CDH20: variants seen among roughly 807,000 people sequenced by gnomAD.
The protein encoded by CDH20 is cadherin 20, also known as cadherin-20.
Under a neutral mutation model 74.2 loss-of-function variants are expected in CDH20, and 29 were observed. The ratio of observed to expected loss-of-function variants is 0.39; its 90% CI spans 0.29 to 0.53. The LOEUF (loss-of-function observed/expected upper bound fraction) is 0.53. CDH20 is among the 20% of genes least tolerant of loss of function. CDH20 has a pLI of 0.69. For missense variants in CDH20, 988 were observed against 1,048.3 expected (o/e 0.94, Z 0.79); for synonymous variants, 469 against 405.4 (o/e 1.16, Z -1.88).
chr18:61,481,411 G>A (rs1168479819), intron 1 of CDH20, among the ~76,000 whole-genome samples: 2 of 152,160 alleles, frequency 1.3e-5, no homozygotes, highest in African/African-American at 2.4e-5. Context: ...TATATTGGAT[G>A]TCACACATCG....
intron 1 of CDH20, among the ~76,000 whole-genome samples, chr18:61,341,097 T>A (rs1220329929): frequency 6.6e-6 from 1 of 152,192 alleles, no homozygotes; most frequent in Non-Finnish European, 1.5e-5. Flanking sequence ...GATACAGCCA[T>A]CTCCGTACCC....
chr18:61,337,617 T>C (rs1486299417), intron 1 of CDH20, among the ~76,000 whole-genome samples: 2 of 152,228 alleles, frequency 1.3e-5, no homozygotes, highest in Non-Finnish European at 2.9e-5. Flanking sequence ...ACATATTTTA[T>C]GTAATAAAGG....
At chr18:61,362,918 C>T (rs1022689054) in intron 1 of CDH20, among the ~76,000 whole-genome samples, 36 of 152,142 alleles carry the variant, frequency 2.4e-4, no homozygotes, top group Admixed American at 2.0e-3. Flanking sequence ...TGATGAAATG[C>T]ATTAGGAGCA....
At chr18:61,363,433 G>A (rs7245328) in intron 1 of CDH20, among the ~76,000 whole-genome samples, 20,994 of 152,128 alleles carry the variant, frequency 0.14, 1,505 homozygotes, top group Non-Finnish European at 0.16. Context: ...CTAACTTATA[G>A]TGGGGGAAAA....
chr18:61,428,560 G>A (rs992035138), intron 1 of CDH20, among the ~76,000 whole-genome samples: 2 of 152,152 alleles, frequency 1.3e-5, no homozygotes, highest in Admixed American at 1.3e-4. Context: ...CACTGTAGAA[G>A]ATCCCCATCA....
chr18:61,415,528 G>A (rs534402223), intron 1 of CDH20, among the ~76,000 whole-genome samples: 5 of 152,106 alleles, frequency 3.3e-5, no homozygotes, highest in Non-Finnish European at 5.9e-5. Context: ...TGTGCCCCTA[G>A]AAATGTATTG....
intron 1 of CDH20, among the ~76,000 whole-genome samples, chr18:61,376,855 G>A (rs1012376024): frequency 7.9e-5 from 12 of 152,102 alleles, no homozygotes; most frequent in South Asian, 2.1e-4. Context: ...GAATAGGTGC[G>A]TATGCAGGCA....
chr18:61,416,279 T>C (rs1371831995), intron 1 of CDH20, among the ~76,000 whole-genome samples: 1 of 152,242 alleles, frequency 6.6e-6, no homozygotes, highest in Admixed American at 6.5e-5. Flanking sequence ...TGGGCCTTAA[T>C]GGCATACCAA....
intron 1 of CDH20, among the ~76,000 whole-genome samples, chr18:61,485,493 G>T (rs1293490464): frequency 1.3e-5 from 2 of 152,046 alleles, no homozygotes; most frequent in Non-Finnish European, 2.9e-5. Flanking sequence ...GTAGGCTGGT[G>T]AGTTGATGAC....
intron 1 of CDH20, among the ~76,000 whole-genome samples, chr18:61,373,902 G>A (rs1911123738): frequency 6.6e-6 from 1 of 152,142 alleles, no homozygotes; most frequent in South Asian, 2.1e-4. Context: ...ACAAGGGACT[G>A]AGTTGGCACC....
At chr18:61,513,597 A>G (rs1911866398) in intron 6 of CDH20, among the ~76,000 whole-genome samples, 1 of 151,590 alleles carries the variant, frequency 6.6e-6, no homozygotes, top group African/African-American at 2.4e-5. Flanking sequence ...CCTAGTCTCC[A>G]TGGTCTTTAC....
chr18:61,495,345 C>T (rs994200010), intron 2 of CDH20, among the ~76,000 whole-genome samples: 2 of 152,196 alleles, frequency 1.3e-5, no homozygotes, highest in Non-Finnish European at 2.9e-5. Context: ...ATTAAATGTG[C>T]ATTGCTGCAC....
chr18:61,339,210 G>T (rs1008208889), intron 1 of CDH20, among the ~76,000 whole-genome samples: 3 of 152,040 alleles, frequency 2.0e-5, no homozygotes, highest in Non-Finnish European at 2.9e-5. Context: ...ATGCATATAT[G>T]TTGTTAAAAT....
At chr18:61,517,201 T>C (rs1459993930) in intron 6 of CDH20, among the ~76,000 whole-genome samples, 1 of 152,220 alleles carries the variant, frequency 6.6e-6, no homozygotes, top group Non-Finnish European at 1.5e-5. Flanking sequence ...GACAAAGATG[T>C]ATTCCATATT....
In CDH20 at chr18:61,399,391, A is replaced by G. The variant is rs141572957; in HGVS notation, c.-153+65564A>G. ...TCCTTGGGTCTCATTTTCCAATTTT[A>G]AAATCCACATAGCTAGAAGGCCACA... On this transcript the variant is annotated intron_variant, in intron 1 of 11. Transcript: ENST00000262717. 4.2e-3 allele frequency among the ~76,000 whole-genome samples: 640 copies of G among 152,290 alleles called. 1 individual carries two copies. The highest frequency in any genetic ancestry group is 0.014 in the Middle Eastern group (4 of 294).
intron 1 of CDH20, among the ~76,000 whole-genome samples, chr18:61,486,013 T>C (rs1211292157): frequency 6.6e-6 from 1 of 151,954 alleles, no homozygotes. Flanking sequence ...GCGGAGCTTG[T>C]AGTGAGCTGA....
At chr18:61,508,100 G>C (rs956868155) in intron 6 of CDH20, among the ~76,000 whole-genome samples, 1 of 152,186 alleles carries the variant, frequency 6.6e-6, no homozygotes, top group Non-Finnish European at 1.5e-5. Context: ...AAGGTACCAA[G>C]ATAAGCTATC....
chr18:61,505,015 T>C (rs1266050184), intron 5 of CDH20, among the ~76,000 whole-genome samples: 1 of 152,158 alleles, frequency 6.6e-6, no homozygotes, highest in Admixed American at 6.6e-5. Context: ...GGATGGACTT[T>C]GTATTGCTTT....
chr18:61,489,383 C>T (rs1361806323), intron 1 of CDH20, among the ~76,000 whole-genome samples: 2 of 151,996 alleles, frequency 1.3e-5, no homozygotes, highest in African/African-American at 4.8e-5. Flanking sequence ...TCTCAGATGA[C>T]AGCAGTTCTT....
Sources: gnomAD v4.1 joint callset for allele counts (sites outside exome capture counted in the v4.1 genomes callset) on GRCh38, gnomAD v4.1.1 for gene constraint, MANE v1.5 for transcripts, NCBI Gene and HGNC (gene_info 2026-07-23, HGNC 2026-07-21) for gene names.